NLGN1: variants seen among roughly 807,000 people sequenced by gnomAD.
The protein encoded by NLGN1 is neuroligin 1, also known as neuroligin-1.
NLGN1 carries 12 observed loss-of-function variants against 65.5 expected under a neutral mutation model. The ratio of observed to expected loss-of-function variants is 0.18; its 90% CI spans 0.12 to 0.30. The LOEUF is 0.30. Among genes scored for constraint, NLGN1 ranks in the 10% least tolerant of loss-of-function variants. NLGN1 has a pLI of 1.00. For missense variants in NLGN1, 750 were observed against 1,007.1 expected, an observed-to-expected ratio of 0.74 and a Z score of 3.46; for synonymous variants, 350 against 359.5, an observed-to-expected ratio of 0.97 and a Z score of 0.30.
At chr3:173,895,870 T>C (rs1736264949) in intron 4 of NLGN1, among the ~76,000 whole-genome samples, 1 of 152,048 alleles carries the variant, frequency 6.6e-6, no homozygotes, top group Admixed American at 6.6e-5. Context: ...TTTGTATTTT[T>C]AGTAGAGATG....
intron 2 of NLGN1, among the ~76,000 whole-genome samples, chr3:173,452,360 A>AT (rs962624122): frequency 5.3e-5 from 8 of 151,762 alleles, no homozygotes; most frequent in African/African-American, 1.7e-4. Context: ...AATTTTTTGT[A>AT]TTTTTTTGGT....
At chr3:173,862,295 G>T (rs180922918) in intron 4 of NLGN1, among the ~76,000 whole-genome samples, 10 of 150,662 alleles carry the variant, frequency 6.6e-5, no homozygotes, top group East Asian at 2.0e-4. Context: ...TCACGAGGTC[G>T]GGAGATCGAG....
rs1170349929 is a variant in NLGN1 at position 173,539,674 on chromosome 3, T to G, written c.-320-64605T>G. ...TAACATATGTGTATATATGCACATA[T>G]ATAACATACATATATGTACATATGC... is the stretch of plus-strand genomic sequence containing the variant. On this transcript the variant is annotated intron_variant, in intron 2 of 6. Transcript: ENST00000457714. Among the ~76,000 whole-genome samples, 188 of 121,144 alleles carry G rather than the reference T, an allele frequency of 1.6e-3. 5 individuals are homozygous for G. The highest frequency in any genetic ancestry group is 7.9e-3 in the African/African-American group (185 of 23,274). The allele number at this position is 121,144 out of a possible 152,430, so 79.5% of individuals were successfully genotyped here.
intron 4 of NLGN1, among the ~76,000 whole-genome samples, chr3:174,134,686 AT>A (rs1343387740): frequency 6.6e-6 from 1 of 152,164 alleles, no homozygotes; most frequent in Non-Finnish European, 1.5e-5. Flanking sequence ...TTCAAGATAA[AT>A]GACTTGAAGC....
At chr3:173,508,866 C>T (rs900782676) in intron 2 of NLGN1, among the ~76,000 whole-genome samples, 12 of 152,154 alleles carry the variant, frequency 7.9e-5, no homozygotes, top group African/African-American at 2.4e-4. Flanking sequence ...GAGCCCAGCC[C>T]GAACTCTTTT....
intron 4 of NLGN1, among the ~76,000 whole-genome samples, chr3:174,250,989 ACGTGCACCTATAACTGGTG>A (rs111422230): frequency 0.016 from 2,506 of 152,242 alleles, 53 homozygotes; most frequent in African/African-American, 0.054. Context: ...TGATTGTCAA[ACGTGCACCTATAACTGGTG>A]CTGATCATTT....
At chr3:173,769,634 C>T (rs534004493) in intron 3 of NLGN1, among the ~76,000 whole-genome samples, 1 of 152,298 alleles carries the variant, frequency 6.6e-6, no homozygotes, top group South Asian at 2.1e-4. Flanking sequence ...TATGCCAATT[C>T]ATCCAAGGCC....
intron 4 of NLGN1, among the ~76,000 whole-genome samples, chr3:174,029,725 A>G (rs965337798): frequency 3.3e-5 from 5 of 152,166 alleles, no homozygotes; most frequent in Non-Finnish European, 7.3e-5. Context: ...GGGTGGGGCC[A>G]GGTGGAGATA....
At chr3:173,802,629 G>T (rs760948192) in intron 3 of NLGN1, among the ~76,000 whole-genome samples, 1 of 151,928 alleles carries the variant, frequency 6.6e-6, no homozygotes, top group Non-Finnish European at 1.5e-5. Context: ...ATGTTGACTC[G>T]ACATCACTGG....
chr3:174,100,287 AAAC>A (rs1712120113), intron 4 of NLGN1, among the ~76,000 whole-genome samples: 1 of 151,956 alleles, frequency 6.6e-6, no homozygotes, highest in Non-Finnish European at 1.5e-5. Flanking sequence ...AAAAAAAAAA[AAAC>A]TTTATTTTAA....
chr3:173,861,718 ATG>A (rs775271530), intron 4 of NLGN1, among the ~76,000 whole-genome samples: 1 of 151,380 alleles, frequency 6.6e-6, no homozygotes, highest in African/African-American at 2.4e-5. Flanking sequence ...TGGGGATAGT[ATG>A]TGTGTGTGTT....
intron 3 of NLGN1, among the ~76,000 whole-genome samples, chr3:173,758,383 T>C (rs766934328): frequency 6.6e-6 from 1 of 152,090 alleles, no homozygotes; most frequent in Non-Finnish European, 1.5e-5. Context: ...ATCTCTAATG[T>C]TATGTATTTT....
intron 4 of NLGN1, among the ~76,000 whole-genome samples, chr3:174,195,789 G>GAAA (rs146808174): frequency 0.091 from 13,696 of 150,932 alleles, 1,259 homozygotes; most frequent in African/African-American, 0.24. Flanking sequence ...GAAGTTTGGA[G>GAAA]AAAAAAAAAC....
At chr3:174,145,837 A>G (rs1723125291) in intron 4 of NLGN1, among the ~76,000 whole-genome samples, 1 of 152,244 alleles carries the variant, frequency 6.6e-6, no homozygotes, top group African/African-American at 2.4e-5. Flanking sequence ...TTTACCTAAA[A>G]TATCAACAAA....
intron 2 of NLGN1, among the ~76,000 whole-genome samples, chr3:173,591,666 A>G (rs942671074): frequency 6.6e-6 from 1 of 152,154 alleles, no homozygotes; most frequent in African/African-American, 2.4e-5. Flanking sequence ...AGTTGCAGCT[A>G]TTCTCTGGCA....
chr3:173,430,370 A>G (rs867262409), intron 1 of NLGN1, among the ~76,000 whole-genome samples: 2 of 152,136 alleles, frequency 1.3e-5, no homozygotes, highest in South Asian at 4.1e-4. Context: ...CCATTTTGAT[A>G]ATATCACTCT....
At chr3:174,096,698 T>G (rs1703996053) in intron 4 of NLGN1, among the ~76,000 whole-genome samples, 1 of 152,190 alleles carries the variant, frequency 6.6e-6, no homozygotes, top group Non-Finnish European at 1.5e-5. Flanking sequence ...GCTTCTTTTA[T>G]GTCATTTAAG....
intron 4 of NLGN1, among the ~76,000 whole-genome samples, chr3:174,018,292 T>C (rs1015849836): frequency 3.3e-5 from 5 of 152,082 alleles, no homozygotes; most frequent in Non-Finnish European, 7.4e-5. Flanking sequence ...GTTAACGCAA[T>C]CATCACAGGG....
At chr3:173,761,434 G>C (rs1777953616) in intron 3 of NLGN1, among the ~76,000 whole-genome samples, 1 of 151,976 alleles carries the variant, frequency 6.6e-6, no homozygotes, top group Non-Finnish European at 1.5e-5. Context: ...TAAGAGGTAG[G>C]GGAGCCAGTG....
Sources: gnomAD v4.1 joint callset for allele counts (sites outside exome capture counted in the v4.1 genomes callset) on GRCh38, gnomAD v4.1.1 for gene constraint, MANE v1.5 for transcripts, NCBI Gene and HGNC (gene_info 2026-07-23, HGNC 2026-07-21) for gene names.